Variants in HMGA2 observed in about 807,000 individuals in gnomAD.
HMGA2 encodes the protein high mobility group AT-hook 2, also known as high mobility group protein HMGI-C.
Under a neutral mutation model 19.1 loss-of-function variants are expected in HMGA2, and 8 were observed. That is an observed-to-expected ratio of 0.42 (90% CI 0.25 to 0.76). The LOEUF is 0.76. HMGA2 is among the 30% of genes least tolerant of loss of function. The pLI is 0.28. For missense variants in HMGA2, 109 were observed against 136.3 expected (o/e 0.80, Z 1.00); for synonymous variants, 60 against 48.8 (o/e 1.23, Z -0.96).
At chr12:65,951,135 C>T (rs1199434023) in intron 3 of HMGA2, among the ~76,000 whole-genome samples, 1 of 152,014 alleles carries the variant, frequency 6.6e-6, no homozygotes, top group African/African-American at 2.4e-5. Flanking sequence ...CACCATGTTG[C>T]CCAGCCTGGT....
rs763368018 is a variant in HMGA2 at position 65,838,582 on chromosome 12, A to T, written c.249+13A>T. 6.3e-7 allele frequency: 1 copy of T among 1,588,804 alleles called. No individual in the cohort carries two copies. Among genetic ancestry groups the T allele is most frequent in the Middle Eastern group, 1.7e-4 (1 of 5,990 alleles). On this transcript the variant is annotated intron_variant, in intron 3 of 4. Coordinates refer to ENST00000403681, the MANE Select transcript of HMGA2 (RefSeq NM_003483.6). ...ACCTAGGAAATGGGTGAGTAATAAGATATAATTTTTCTTCTTTTTTTTAAA... is the reference window on the plus strand; with the variant it reads ...ACCTAGGAAATGGGTGAGTAATAAGTTATAATTTTTCTTCTTTTTTTTAAA...
In HMGA2 at chr12:65,877,649, C is replaced by T. The variant is rs77669505; in HGVS notation, c.249+39080C>T. 9.9e-4 allele frequency among the ~76,000 whole-genome samples: 151 copies of T among 152,210 alleles called. 2 individuals are homozygous for T. In the East Asian group the frequency reaches 0.026, roughly 26 times the overall value. ...ACTTAGTATTTTGGCAGCCTGCACA[C>T]AGAGGCTAGCATTTGAGCCCAGTGC... On this transcript the variant is annotated intron_variant, in intron 3 of 4. Transcript: ENST00000403681.
chr12:65,897,846 C>G (rs955506657), intron 3 of HMGA2, among the ~76,000 whole-genome samples: 6 of 151,854 alleles, frequency 4.0e-5, no homozygotes, highest in African/African-American at 1.5e-4. Context: ...TGTTGTAATC[C>G]CAGCTACTTG....
intron 3 of HMGA2, among the ~76,000 whole-genome samples, chr12:65,908,431 A>C (rs1212376136): frequency 1.3e-5 from 2 of 152,120 alleles, no homozygotes; most frequent in African/African-American, 2.4e-5. Context: ...ATCTCTTCAA[A>C]GTCTCATTCA....
intron 3 of HMGA2, among the ~76,000 whole-genome samples, chr12:65,889,275 AC>A (rs1873803941): frequency 6.6e-6 from 1 of 152,144 alleles, no homozygotes. Context: ...AGAAAAAGGG[AC>A]TTTTTCCTAC....
intron 3 of HMGA2, among the ~76,000 whole-genome samples, chr12:65,875,002 C>G (rs9668162): frequency 0.11 from 16,676 of 152,118 alleles, 1,534 homozygotes; most frequent in South Asian, 0.25. Flanking sequence ...CCCGCCCCCC[C>G]AGTAATACCC....
At chr12:65,945,437 A>C (rs1046775770) in intron 3 of HMGA2, among the ~76,000 whole-genome samples, 1 of 152,176 alleles carries the variant, frequency 6.6e-6, no homozygotes, top group East Asian at 1.9e-4. Context: ...GTAAATGTCA[A>C]ATTCAAAGAA....
chr12:65,872,153 A>G (rs1872741946), intron 3 of HMGA2, among the ~76,000 whole-genome samples: 1 of 152,154 alleles, frequency 6.6e-6, no homozygotes, highest in Admixed American at 6.5e-5. Context: ...GGGTCCCCCT[A>G]CACAAAATCC....
intron 3 of HMGA2, among the ~76,000 whole-genome samples, chr12:65,872,071 A>T (rs1872736743): frequency 6.6e-6 from 1 of 152,138 alleles, no homozygotes; most frequent in African/African-American, 2.4e-5. Context: ...GCCAAATGAA[A>T]CATATGCTCC....
intron 3 of HMGA2, among the ~76,000 whole-genome samples, chr12:65,841,872 A>G (rs1484071847): frequency 6.6e-6 from 1 of 152,206 alleles, no homozygotes; most frequent in Non-Finnish European, 1.5e-5. Flanking sequence ...TGTGGGAGAG[A>G]AACTTGCATC....
At chr12:65,845,817 G>A (rs1271684739) in intron 3 of HMGA2, among the ~76,000 whole-genome samples, 2 of 152,162 alleles carry the variant, frequency 1.3e-5, no homozygotes, top group Non-Finnish European at 2.9e-5. Context: ...TGGCTGTCAA[G>A]CATTTATGGT....
At chr12:65,890,983 G>A (rs1873880737) in intron 3 of HMGA2, among the ~76,000 whole-genome samples, 2 of 152,010 alleles carry the variant, frequency 1.3e-5, no homozygotes, top group Admixed American at 6.5e-5. Context: ...TGCCTGCCTC[G>A]GCCTCCCAAA....
At chr12:65,959,829 T>G (rs568827473) in intron 4 of HMGA2, among the ~76,000 whole-genome samples, 4 of 152,332 alleles carry the variant, frequency 2.6e-5, no homozygotes, top group Non-Finnish European at 5.9e-5. Context: ...AGAAGCAATT[T>G]TTTAAAAACA....
At chr12:65,846,561 C>T (rs549666524) in intron 3 of HMGA2, among the ~76,000 whole-genome samples, 4 of 152,278 alleles carry the variant, frequency 2.6e-5, no homozygotes, top group African/African-American at 4.8e-5. Context: ...CCTGTTTAAA[C>T]GTGATGTTGT....
At chr12:65,940,140 C>T (rs940842648) in intron 3 of HMGA2, among the ~76,000 whole-genome samples, 1 of 151,890 alleles carries the variant, frequency 6.6e-6, no homozygotes, top group Admixed American at 6.6e-5. Flanking sequence ...AAGTCATTAA[C>T]ATTTATCACG....
chr12:65,891,036 C>T (rs1873883184), intron 3 of HMGA2, among the ~76,000 whole-genome samples: 2 of 152,186 alleles, frequency 1.3e-5, no homozygotes. Flanking sequence ...CAGCCGACTT[C>T]TTCAATATAT....
At chr12:65,927,377 C>T (rs995868037) in intron 3 of HMGA2, among the ~76,000 whole-genome samples, 6 of 152,170 alleles carry the variant, frequency 3.9e-5, no homozygotes, top group Admixed American at 2.0e-4. Flanking sequence ...ACAAAGGCTA[C>T]GTGTGCCTTT....
chr12:65,920,854 A>G (rs1875282349), intron 3 of HMGA2, among the ~76,000 whole-genome samples: 1 of 152,202 alleles, frequency 6.6e-6, no homozygotes, highest in Non-Finnish European at 1.5e-5. Context: ...AGAGTGGGGC[A>G]TTGCTGAAAA....
chr12:65,938,704 A>T (rs1875979263), intron 3 of HMGA2, among the ~76,000 whole-genome samples: 1 of 152,070 alleles, frequency 6.6e-6, no homozygotes, highest in Non-Finnish European at 1.5e-5. Context: ...GCTGGAGTGC[A>T]GTGGCACGAT....
Sources: allele counts gnomAD v4.1 joint callset (sites outside exome capture counted in the v4.1 genomes callset), GRCh38; gene constraint gnomAD v4.1.1; transcripts MANE v1.5; gene names NCBI Gene and HGNC (gene_info 2026-07-23, HGNC 2026-07-21).